The following AQR variants were observed in gnomAD, a reference collection of about 807,000 sequenced individuals.
AQR encodes RNA helicase aquarius.
Under a neutral mutation model 180.5 loss-of-function variants are expected in AQR, and 61 were observed. The ratio of observed to expected loss-of-function variants is 0.34; its 90% CI spans 0.28 to 0.42. The LOEUF is 0.42. Among genes scored for constraint, AQR ranks in the 10% least tolerant of loss-of-function variants. The pLI, the probability that AQR is intolerant of heterozygous loss-of-function variation, is 1.00. For synonymous variants in AQR, 551 were observed against 588.8 expected (o/e 0.94, Z 0.93); for missense variants, 1,281 against 1,798.3 (o/e 0.71, Z 5.20).
chr15:34,969,609 G>A lies in AQR; in HGVS notation c.5C>T (p.Ala2Val), dbSNP rs1455416029. 3 of 1,613,012 alleles carry A rather than the reference G, an allele frequency of 1.9e-6. No homozygotes were observed. Among genetic ancestry groups the A allele is most frequent in the African/African-American group, 2.7e-5 (2 of 74,908 alleles). The change falls in exon 1 of 35, where the codon GCA becomes GTA. Residue 2 changes from alanine to valine, a missense_variant. Around this residue, in one of 9 missense-constraint regions of AQR, gnomAD observed 404 missense variants for 490.9 expected, o/e 0.82. Transcript: ENST00000156471. Reference protein sequence around the residue: MAAPAQPKKIVA... With the variant: MVAPAQPKKIVA... ...GATCTTCTTGGGCTGCGCAGGGGCT[G>A]CCATGGCAGCACTCTTCCCTCCACT...
chr15:34,961,110 T>TC lies in AQR; in HGVS notation c.133-297_133-296insG, dbSNP rs1387136540. Among the ~76,000 whole-genome samples the TC allele has an allele frequency of 2.0e-5, 3 of 152,204 alleles. No homozygotes were observed. The East Asian group carries it at 5.8e-4, about 29-fold the overall frequency. ...AAATTCACAAGATCAGGATTTTTTTTAAACTTAAAGTGTATAAATGTTATG... is the reference window on the plus strand; with the variant it reads ...AAATTCACAAGATCAGGATTTTTTTTCAAACTTAAAGTGTATAAATGTTATG... On this transcript the variant is annotated intron_variant, in intron 2 of 34. Transcript: ENST00000156471.
chr15:34,919,181 G>A (rs190561437), intron 14 of AQR, among the ~76,000 whole-genome samples: 200 of 149,776 alleles, frequency 1.3e-3, no homozygotes, highest in African/African-American at 4.4e-3. Flanking sequence ...GGAAGTTGCA[G>A]TGAACCGAGA....
rs890056200 is a variant in AQR, at chr15:34,852,974, T to G, written c.*3818A>C. On this transcript the variant is annotated 3_prime_UTR_variant, in exon 35 of 35. Transcript: ENST00000156471. The stretch of plus-strand genomic sequence containing the variant: ...AGGAAACTGAGCTAGGGTTTGTCTC[T>G]AAGAAGAAAAACTGGAGCGTCCAAA... 1.2e-4 allele frequency: 18 copies of G among 152,176 alleles called. No homozygotes were observed. The highest frequency in any genetic ancestry group is 1.9e-4 in the Non-Finnish European group (13 of 68,026). 9.4% of individuals were successfully genotyped at this position (152,176 alleles called of 1,614,324 possible). A position where few individuals can be genotyped will look rare whatever the true frequency, so the allele number is the denominator to read the frequency against.
intron 32 of AQR, among the ~76,000 whole-genome samples, chr15:34,864,273 T>C (rs986615805): frequency 1.3e-5 from 2 of 152,112 alleles, no homozygotes; most frequent in Non-Finnish European, 2.9e-5. Flanking sequence ...TTGTGCTACG[T>C]GTATGTGTGT....
At chr15:34,907,434 C>T (rs1277980397) in intron 17 of AQR, among the ~76,000 whole-genome samples, 1 of 152,220 alleles carries the variant, frequency 6.6e-6, no homozygotes, top group African/African-American at 2.4e-5. Context: ...TAATGCTACA[C>T]CACTTAATCT....
At chr15:34,930,860 G>C (rs1320105105) in intron 11 of AQR, among the ~76,000 whole-genome samples, 2 of 133,000 alleles carry the variant, frequency 1.5e-5, no homozygotes, top group African/African-American at 5.8e-5. Context: ...GGTCTGAGAC[G>C]GAGTCTCGCT....
At position 34,852,830 on chromosome 15, in the gene AQR, A is replaced by G. The variant is rs1892534063; in HGVS notation, c.*3962T>C. ...ATAATCGTATCGGCCATCTTTGTAC[A>G]TAAGGTCAAAATGTCAGGCAGCCCT... On this transcript the variant is annotated 3_prime_UTR_variant, in exon 35 of 35. Coordinates refer to ENST00000156471, the MANE Select transcript of AQR (RefSeq NM_014691.3). 1 of 152,194 alleles carries G rather than the reference A, an allele frequency of 6.6e-6. No individual in the cohort carries two copies. The highest frequency in any genetic ancestry group is 6.5e-5 in the Admixed American group (1 of 15,286). The allele number at this position is 152,194 out of a possible 1,614,324, so 9.4% of individuals were successfully genotyped here.
intron 13 of AQR, among the ~76,000 whole-genome samples, chr15:34,925,031 A>G (rs957020488): frequency 5.3e-5 from 8 of 152,244 alleles, no homozygotes; most frequent in Middle Eastern, 3.4e-3. Context: ...TATTAAAAAG[A>G]ATGACAGTTG....
intron 20 of AQR, among the ~76,000 whole-genome samples, chr15:34,898,737 A>C (rs1253428819): frequency 6.6e-6 from 1 of 150,768 alleles, no homozygotes; most frequent in Admixed American, 6.6e-5. Context: ...ACAAAAAATT[A>C]GCCGGGCGTG....
At chr15:34,878,387 A>G (rs1297440379) in intron 27 of AQR, among the ~76,000 whole-genome samples, 1 of 137,432 alleles carries the variant, frequency 7.3e-6, no homozygotes, top group African/African-American at 3.1e-5. Flanking sequence ...CTCTGTCTCA[A>G]AAAAAAAAAA....
Position 34,942,130 on chromosome 15 carries a change from C to T in AQR, c.472-50G>A, listed in dbSNP as rs777589590. On this transcript the variant is annotated intron_variant, in intron 6 of 34. Transcript: ENST00000156471. Reference sequence around the variant, plus strand: ...GTTTATAAACATACCAGCATTTCTACCTAAGTCTTTACATAAGAAGTATAC... The same window carrying T: ...GTTTATAAACATACCAGCATTTCTATCTAAGTCTTTACATAAGAAGTATAC... The T allele has an allele frequency of 3.8e-5, 54 of 1,433,240 alleles. No individual in the cohort carries two copies. The East Asian group carries it at 9.6e-4, about 25-fold the overall frequency. 88.8% of individuals were successfully genotyped at this position (1,433,240 alleles called of 1,614,324 possible).
intron 27 of AQR, among the ~76,000 whole-genome samples, chr15:34,878,385 C>CAAAAAAAA (rs5811839): frequency 4.8e-5 from 2 of 41,650 alleles, no homozygotes; most frequent in Non-Finnish European, 4.5e-5. Flanking sequence ...GACTCTGTCT[C>CAAAAAAAA]AAAAAAAAAA....
Position 34,856,886 on chromosome 15 carries a change from G to A in AQR, c.4364C>T (p.Ser1455Phe), listed in dbSNP as rs1267282557. The change falls in exon 35 of 35, where the codon TCT becomes TTT. Residue 1455 changes from serine to phenylalanine, a missense_variant. By Grantham distance (155) the Ser-to-Phe change is radical (BLOSUM62 -2). Transcript: ENST00000156471. ...TSTPEAIPALSETTPTVVGAV... is the reference protein window; with the variant it reads ...TSTPEAIPALFETTPTVVGAV... ...TCCTACCACAGTAGGGGTGGTCTCA[G>A]ATAAAGCAGGGATGGCTTCTGGAGT... The A allele has an allele frequency of 1.2e-6, 2 of 1,613,954 alleles. No homozygotes were observed. Among genetic ancestry groups the A allele is most frequent in the African/African-American group, 1.3e-5 (1 of 75,034 alleles).
At chr15:34,969,442 C>T in intron 1 of AQR, 97 bp downstream of exon 1, 1 of 1,280,694 alleles carries the variant, frequency 7.8e-7, no homozygotes, top group Non-Finnish European at 1.1e-6. Flanking sequence ...CGAATGCCTC[C>T]TCCGGACTCC....
intron 18 of AQR, among the ~76,000 whole-genome samples, chr15:34,905,013 A>T (rs1436588097): frequency 6.9e-6 from 1 of 144,244 alleles, no homozygotes; most frequent in Non-Finnish European, 1.5e-5. Context: ...ATGAAAAGAA[A>T]TTTCACATAC....
At chr15:34,965,047 T>A (rs753034509) in intron 1 of AQR, among the ~76,000 whole-genome samples, 1 of 152,228 alleles carries the variant, frequency 6.6e-6, no homozygotes, top group Non-Finnish European at 1.5e-5. Flanking sequence ...TAAAGTCTGA[T>A]GGATGAATGG....
chr15:34,900,949 A>G (rs1456336953), intron 19 of AQR, 86 bp from the exon 20 acceptor site: 4 of 1,472,772 alleles, frequency 2.7e-6, no homozygotes, highest in Non-Finnish European at 3.6e-6. Context: ...GGCTGCACTA[A>G]TCCAGAATTC....
At chr15:34,864,821 A>G (rs1470974004) in intron 32 of AQR, among the ~76,000 whole-genome samples, 2 of 152,160 alleles carry the variant, frequency 1.3e-5, no homozygotes, top group Non-Finnish European at 2.9e-5. Flanking sequence ...TCTCCGTTGT[A>G]CATGAGGAGA....
At chr15:34,866,429 TTTC>T (rs1216425894) in intron 32 of AQR, among the ~76,000 whole-genome samples, 12 of 152,152 alleles carry the variant, frequency 7.9e-5, no homozygotes, top group African/African-American at 2.9e-4. Context: ...GAAATCAGGT[TTTC>T]TTTTAACCCT....
Sources: allele counts gnomAD v4.1 joint callset (sites outside exome capture counted in the v4.1 genomes callset), GRCh38; gene constraint gnomAD v4.1.1; regional missense constraint gnomAD v4.1.1; transcripts MANE v1.5; gene names NCBI Gene and HGNC (gene_info 2026-07-23, HGNC 2026-07-21).